SORCS1: variants seen among roughly 807,000 people sequenced by gnomAD.
The protein encoded by SORCS1 is sortilin related VPS10 domain containing receptor 1.
A neutral mutation model predicts 146.1 loss-of-function variants in SORCS1; 60 were observed. That is an observed-to-expected ratio of 0.41 (90% CI 0.33 to 0.51). The LOEUF (loss-of-function observed/expected upper bound fraction) is 0.51. Among genes scored for constraint, SORCS1 ranks in the 20% least tolerant of loss-of-function variants. The pLI, the probability that SORCS1 is intolerant of heterozygous loss-of-function variation, is 0.21. For synonymous variants in SORCS1, 637 were observed against 584.0 expected, an observed-to-expected ratio of 1.09 and a Z score of -1.31; for missense variants, 1,352 against 1,487.6, an observed-to-expected ratio of 0.91 and a Z score of 1.50.
In SORCS1 at chr10:106,629,290, G is replaced by A. The variant is rs1484753661; in HGVS notation, c.2574C>T (p.Val858=). Residue 858 remains valine (V), a synonymous_variant, in exon 19 of 26, where the codon GTC becomes GTT. Coordinates refer to ENST00000263054, the MANE Select transcript of SORCS1 (RefSeq NM_052918.5). The part of the protein sequence containing the change: ...LSSMEDGIKH[V]YQNVGIFRVT... ...CACGGAAAATGCCCACGTTCTGATA[G>A]ACGTGTTTGATCCCATCTTCCATGG... is the stretch of plus-strand genomic sequence containing the variant. 6.2e-7 allele frequency: 1 copy of A among 1,614,164 alleles called. No homozygotes were observed. Among genetic ancestry groups the A allele is most frequent in the Admixed American group, 1.7e-5 (1 of 60,030 alleles).
intron 1 of SORCS1, among the ~76,000 whole-genome samples, chr10:106,996,739 G>C (rs1009099117): frequency 9.9e-5 from 15 of 152,208 alleles, no homozygotes; most frequent in African/African-American, 3.6e-4. Flanking sequence ...TATGACCAGA[G>C]TGTGTCGCCT....
intron 1 of SORCS1, among the ~76,000 whole-genome samples, chr10:106,971,554 C>T (rs766347832): frequency 2.0e-5 from 3 of 152,182 alleles, no homozygotes; most frequent in Non-Finnish European, 4.4e-5. Context: ...CTTTGAATTT[C>T]CTCTTGAAAG....
At chr10:106,716,136 T>A (rs961634563) in intron 6 of SORCS1, among the ~76,000 whole-genome samples, 1 of 152,180 alleles carries the variant, frequency 6.6e-6, no homozygotes, top group African/African-American at 2.4e-5. Flanking sequence ...AATATTCTCC[T>A]TATATAATAA....
At chr10:106,835,201 C>T (rs929115878) in intron 2 of SORCS1, among the ~76,000 whole-genome samples, 1 of 152,150 alleles carries the variant, frequency 6.6e-6, no homozygotes, top group African/African-American at 2.4e-5. Context: ...GTATAGGATA[C>T]AGCTAGTTTC....
chr10:106,928,961 T>C (rs1300199905), intron 2 of SORCS1, among the ~76,000 whole-genome samples: 1 of 151,242 alleles, frequency 6.6e-6, no homozygotes, highest in African/African-American at 2.4e-5. Flanking sequence ...ATATATATAA[T>C]TTTATAGGAA....
rs199564474 is a variant in SORCS1 at position 106,872,617 on chromosome 10, C to T, written c.627-42944G>A. 9.2e-5 allele frequency among the ~76,000 whole-genome samples: 14 copies of T among 152,174 alleles called. No homozygotes were observed. The East Asian group carries it at 1.7e-3, about 19-fold the overall frequency. On this transcript the variant is annotated intron_variant, in intron 2 of 25. Coordinates refer to ENST00000263054, the MANE Select transcript of SORCS1 (RefSeq NM_052918.5). ...TCCTAAGAATGTTGGAAAAGTTAAA[C>T]GAGATACTCCCTAGAAAGTTCTCAG...
chr10:107,003,041 C>T (rs537702453), intron 1 of SORCS1, among the ~76,000 whole-genome samples: 18 of 152,138 alleles, frequency 1.2e-4, no homozygotes, highest in South Asian at 2.1e-4. Flanking sequence ...GGATCACCTG[C>T]GGTCAGGAGG....
intron 2 of SORCS1, among the ~76,000 whole-genome samples, chr10:106,909,332 C>G (rs1056673679): frequency 6.6e-6 from 1 of 152,092 alleles, no homozygotes; most frequent in African/African-American, 2.4e-5. Context: ...AAGTCACCAT[C>G]TTTTCCTTGC....
chr10:106,695,512 C>A (rs981492788), intron 9 of SORCS1, among the ~76,000 whole-genome samples: 2 of 152,164 alleles, frequency 1.3e-5, no homozygotes, highest in Admixed American at 1.3e-4. Context: ...CCTAACTCTG[C>A]CACTTACCAT....
At chr10:106,827,141 T>C (rs1354109971) in intron 3 of SORCS1, among the ~76,000 whole-genome samples, 2 of 152,064 alleles carry the variant, frequency 1.3e-5, no homozygotes, top group Non-Finnish European at 2.9e-5. Context: ...TCCTGGAGTT[T>C]CTGGATCATC....
chr10:107,057,583 C>T (rs1960768133), intron 1 of SORCS1, among the ~76,000 whole-genome samples: 2 of 152,148 alleles, frequency 1.3e-5, no homozygotes, highest in Non-Finnish European at 2.9e-5. Context: ...TGAGCTGTCA[C>T]TGGGTCTCCT....
At chr10:106,588,470 G>T (rs1011711653) in intron 24 of SORCS1, among the ~76,000 whole-genome samples, 1 of 152,254 alleles carries the variant, frequency 6.6e-6, no homozygotes, top group Non-Finnish European at 1.5e-5. Flanking sequence ...TTGTTATGCA[G>T]ATGGATTTCT....
At chr10:106,756,726 T>G (rs1301240404) in intron 5 of SORCS1, among the ~76,000 whole-genome samples, 1 of 152,222 alleles carries the variant, frequency 6.6e-6, no homozygotes, top group Non-Finnish European at 1.5e-5. Flanking sequence ...CATACACTGT[T>G]CTTTTAGATA....
chr10:106,625,258 C>T (rs1355039344), intron 19 of SORCS1, among the ~76,000 whole-genome samples: 1 of 149,206 alleles, frequency 6.7e-6, no homozygotes, highest in Non-Finnish European at 1.5e-5. Flanking sequence ...ACACTGGCTG[C>T]TCTGGCCTGC....
chr10:106,792,119 G>C (rs1263512350), intron 3 of SORCS1, among the ~76,000 whole-genome samples: 3 of 151,958 alleles, frequency 2.0e-5, no homozygotes, highest in Non-Finnish European at 1.5e-5. Context: ...TACATTTCTG[G>C]AAAAAGACAA....
At chr10:106,885,835 G>T (rs1950979184) in intron 2 of SORCS1, among the ~76,000 whole-genome samples, 1 of 152,146 alleles carries the variant, frequency 6.6e-6, no homozygotes, top group Admixed American at 6.5e-5. Context: ...CACGAGAACT[G>T]ATGGCTTTAT....
intron 1 of SORCS1, among the ~76,000 whole-genome samples, chr10:107,119,770 T>C (rs758854556): frequency 1.3e-5 from 2 of 152,194 alleles, no homozygotes; most frequent in Non-Finnish European, 2.9e-5. Flanking sequence ...GTATTTTTCA[T>C]ATTTTCTGAG....
intron 2 of SORCS1, among the ~76,000 whole-genome samples, chr10:106,860,636 G>A (rs983276094): frequency 1.1e-4 from 16 of 152,170 alleles, no homozygotes; most frequent in Admixed American, 6.5e-5. Context: ...TCAAACTCAG[G>A]CAGTTAGGCT....
chr10:106,699,188 A>G, intron 9 of SORCS1, 26 bp downstream of exon 9: 1 of 1,581,512 alleles, frequency 6.3e-7, no homozygotes, highest in Non-Finnish European at 8.6e-7. Context: ...GCTGTGGCTT[A>G]GGACCACATA....
Sources: allele counts gnomAD v4.1 joint callset (sites outside exome capture counted in the v4.1 genomes callset), GRCh38; gene constraint gnomAD v4.1.1; transcripts MANE v1.5; gene names NCBI Gene and HGNC (gene_info 2026-07-23, HGNC 2026-07-21).